Variants in EMID1 observed in about 807,000 individuals in gnomAD.
The protein encoded by EMID1 is EMI domain containing 1.
Under a neutral mutation model 60.6 loss-of-function variants are expected in EMID1, and 40 were observed. The observed-to-expected ratio is 0.66, with a 90% CI of 0.51 to 0.86. EMID1 has a LOEUF of 0.86. Among genes scored for constraint, EMID1 ranks in the 40% least tolerant of loss-of-function variants. The pLI, the probability that EMID1 is intolerant of heterozygous loss-of-function variation, is 0.00. For synonymous variants in EMID1, 242 were observed against 231.0 expected, an observed-to-expected ratio of 1.05 and a Z score of -0.43; for missense variants, 585 against 597.1, an observed-to-expected ratio of 0.98 and a Z score of 0.21.
chr22:29,259,457 G>A lies in EMID1; in HGVS notation c.*513G>A, dbSNP rs1395998795. ...GCTTCTTGCCTCAGTTCTTCCCTCT[G>A]AGCCCCCAGGCCCTCCCGCATCTCA... On this transcript the variant is annotated 3_prime_UTR_variant, in exon 15 of 15. Transcript: ENST00000334018. The A allele has an allele frequency of 6.0e-6, 1 of 167,872 alleles. No homozygotes were observed. The highest frequency in any genetic ancestry group is 1.3e-5 in the Non-Finnish European group (1 of 78,976). 10.4% of individuals were successfully genotyped at this position (167,872 alleles called of 1,614,324 possible).
At chr22:29,222,383 T>C (rs958867657) in intron 3 of EMID1, among the ~76,000 whole-genome samples, 1 of 150,446 alleles carries the variant, frequency 6.6e-6, no homozygotes, top group Non-Finnish European at 1.5e-5. Context: ...TGTGAGCCAC[T>C]GCGCCTGGCC....
At chr22:29,225,733 C>T (rs763200418) in intron 4 of EMID1, among the ~76,000 whole-genome samples, 3 of 152,234 alleles carry the variant, frequency 2.0e-5, no homozygotes, top group Non-Finnish European at 2.9e-5. Context: ...GCACTCACCC[C>T]TTCCTGCTCT....
chr22:29,215,762 C>T, intron 3 of EMID1, 132 bp downstream of exon 3: 1 of 709,562 alleles, frequency 1.4e-6, no homozygotes, highest in Non-Finnish European at 2.4e-6. Flanking sequence ...TGCACAGAGC[C>T]TGGCTCAGAC....
At chr22:29,231,280 A>G (rs1483352635) in intron 6 of EMID1, 140 bp downstream of exon 6, 1 of 1,321,298 alleles carries the variant, frequency 7.6e-7, no homozygotes, top group Non-Finnish European at 1.0e-6. Context: ...CCCGTTTCTT[A>G]GACCCGCCTA....
chr22:29,258,758 A>G, intron 14 of EMID1, 59 bp from the exon 15 acceptor site: 1 of 1,595,002 alleles, frequency 6.3e-7, no homozygotes. Context: ...GGCCAAGGGG[A>G]GGTGGGCACC....
At chr22:29,245,822 G>A (rs557744684) in intron 13 of EMID1, among the ~76,000 whole-genome samples, 19 of 152,288 alleles carry the variant, frequency 1.2e-4, no homozygotes, top group Middle Eastern at 3.4e-3. Flanking sequence ...ACTGAGGCCC[G>A]ACTCGGCAGA....
rs138509046 is a variant in EMID1 at position 29,239,468 on chromosome 22, C to A, written c.1075-3977C>A. 2.0e-5 allele frequency among the ~76,000 whole-genome samples: 3 copies of A among 152,266 alleles called. No homozygotes were observed. In the East Asian group the frequency reaches 5.8e-4, roughly 29 times the overall value. ...TTCCATCTCTCTGCTTATAATCCAT[C>A]TCTTCTTGCATGTTGTCTACTTTTT... On this transcript the variant is annotated intron_variant, in intron 12 of 14. Transcript: ENST00000334018.
intron 14 of EMID1, among the ~76,000 whole-genome samples, chr22:29,257,992 C>T (rs1188535473): frequency 6.6e-6 from 1 of 152,172 alleles, no homozygotes; most frequent in Non-Finnish European, 1.5e-5. Flanking sequence ...CACACAGGGT[C>T]GGGGCACTGG....
chr22:29,211,309 A>T (rs1204570649), intron 1 of EMID1, among the ~76,000 whole-genome samples: 1 of 152,108 alleles, frequency 6.6e-6, no homozygotes, highest in Non-Finnish European at 1.5e-5. Context: ...TTCTGTGATT[A>T]AGTGTCCTGC....
In EMID1 at chr22:29,236,402, C is replaced by G. The variant is rs190853326; in HGVS notation, c.1074+2053C>G. Among the ~76,000 whole-genome samples, 542 of 152,060 alleles carry G rather than the reference C, an allele frequency of 3.6e-3. 1 individual carries two copies. Among genetic ancestry groups the G allele is most frequent in the Non-Finnish European group, 5.8e-3 (391 of 67,964 alleles). On this transcript the variant is annotated intron_variant, in intron 12 of 14. Coordinates refer to ENST00000334018, the MANE Select transcript of EMID1 (RefSeq NM_133455.4). ...ACCAGACCTTGCCTCTAAAACATAA[C>G]TAAATAGTCTGTGCACGGTGGCTCA...
rs372470282 is a variant in EMID1, at chr22:29,229,369, C to T, written c.466-1651C>T. 4.6e-3 allele frequency among the ~76,000 whole-genome samples: 700 copies of T among 152,140 alleles called. 2 individuals are homozygous for T. Among genetic ancestry groups the T allele is most frequent in the Non-Finnish European group, 7.2e-3 (490 of 67,998 alleles). On this transcript the variant is annotated intron_variant, in intron 5 of 14. Coordinates refer to ENST00000334018, the MANE Select transcript of EMID1 (RefSeq NM_133455.4). ...TTAAAAAAAAGAAGATGCCGCTGGG[C>T]GCGGTGGCTCATGCCTGTAATCCCA...
At chr22:29,216,501 A>G (rs2040087170) in intron 3 of EMID1, 2 of 985,360 alleles carry the variant, frequency 2.0e-6, no homozygotes, top group African/African-American at 3.5e-5. Context: ...GGACAGAAGC[A>G]TTCAGGGCCC....
At position 29,231,101 on chromosome 22, in the gene EMID1, C is replaced by T. The variant is rs1313163139; in HGVS notation, c.547C>T (p.Pro183Ser). Reference sequence around the variant, plus strand: ...GGACCCTGCCCCGCTCTGGGGTCCCCCTCCTGCCCAGGGCAGCCCCGGAGA... The same window carrying T: ...GGACCCTGCCCCGCTCTGGGGTCCCTCTCCTGCCCAGGGCAGCCCCGGAGA... Reference protein sequence around the residue: ...PEDPAPLWGPPPAQGSPGDGG... With the variant: ...PEDPAPLWGPSPAQGSPGDGG... The change falls in exon 6 of 15, where the codon CCT becomes TCT. Residue 183 changes from proline (P) to serine (S), a missense_variant. Transcript: ENST00000334018. 3 of 1,613,054 alleles carry T rather than the reference C, an allele frequency of 1.9e-6. No homozygotes were observed. The highest frequency in any genetic ancestry group is 2.2e-5 in the East Asian group (1 of 44,876).
chr22:29,242,945 C>G (rs919811811), intron 12 of EMID1, among the ~76,000 whole-genome samples: 2 of 152,168 alleles, frequency 1.3e-5, no homozygotes, highest in Non-Finnish European at 2.9e-5. Flanking sequence ...TTGGTTCTCC[C>G]CCTCTGGGCT....
chr22:29,254,084 G>T, intron 13 of EMID1, 119 bp from the exon 14 acceptor site: 1 of 1,569,876 alleles, frequency 6.4e-7, no homozygotes, highest in Non-Finnish European at 8.6e-7. Flanking sequence ...ACCCTGGGCT[G>T]TGGCAGGTAG....
At chr22:29,254,365 T>A in intron 14 of EMID1, 78 bp downstream of exon 14, 2 of 1,397,890 alleles carry the variant, frequency 1.4e-6, no homozygotes, top group Non-Finnish European at 2.0e-6. Flanking sequence ...GGGGTGGAAC[T>A]GGCCTGAGCC....
chr22:29,222,109 T>C (rs971544692), intron 3 of EMID1, among the ~76,000 whole-genome samples: 34 of 152,138 alleles, frequency 2.2e-4, no homozygotes, highest in African/African-American at 8.0e-4. Context: ...TTATGCTGAT[T>C]TTATTATTTT....
chr22:29,253,894 G>A (rs1417117272), intron 13 of EMID1: 9 of 985,332 alleles, frequency 9.1e-6, no homozygotes, highest in Admixed American at 6.1e-5. Flanking sequence ...TGGGACTGCC[G>A]TTCTGCCCCT....
In EMID1 at chr22:29,206,248, G is replaced by C. The variant is rs1016194445; in HGVS notation, c.101+109G>C. On this transcript the variant is annotated intron_variant, in intron 1 of 14. Coordinates refer to ENST00000334018, the MANE Select transcript of EMID1 (RefSeq NM_133455.4). The stretch of plus-strand genomic sequence containing the variant: ...GGAGGGCGATCCAGTCCCCAGCCCG[G>C]GTGAGGGCAGGGACACGGCCATCCC... The C allele has an allele frequency of 1.2e-5, 10 of 862,292 alleles. No individual in the cohort carries two copies. The African/African-American group carries it at 1.4e-4, about 12-fold the overall frequency. 53.4% of individuals were successfully genotyped at this position (862,292 alleles called of 1,614,324 possible). A position where few individuals can be genotyped will look rare whatever the true frequency, so the allele number is the denominator to read the frequency against.
Sources: gnomAD v4.1 joint callset for allele counts (sites outside exome capture counted in the v4.1 genomes callset) on GRCh38, gnomAD v4.1.1 for gene constraint, MANE v1.5 for transcripts, NCBI Gene and HGNC (gene_info 2026-07-23, HGNC 2026-07-21) for gene names.